The following SFXN2 variants were observed in gnomAD, a reference collection of about 807,000 sequenced individuals.
The protein encoded by SFXN2 is sideroflexin 2.
SFXN2 carries 37 observed loss-of-function variants against 41.9 expected under a neutral mutation model. The ratio of observed to expected loss-of-function variants is 0.88; its 90% CI spans 0.68 to 1.16. SFXN2 has a LOEUF of 1.16. SFXN2 is among the 50% of genes most tolerant of loss of function. The probability of loss-of-function intolerance (pLI) is 0.00; values close to 1 mark genes in which losing one functional copy is unlikely to be tolerated. For missense variants in SFXN2, 386 were observed against 425.2 expected (o/e 0.91, Z 0.81); for synonymous variants, 150 against 156.7 (o/e 0.96, Z 0.32).
At position 102,733,592 on chromosome 10, in the gene SFXN2, G is replaced by A. The variant is rs757614359; in HGVS notation, c.810G>A (p.Leu270=). ...TGCACGCCCCATTGCAGGTCATGCTGAGCGGGTGCTTGTAAGTATCATATT... is the reference window on the plus strand; with the variant it reads ...TGCACGCCCCATTGCAGGTCATGCTAAGCGGGTGCTTGTAAGTATCATATT... The part of the protein sequence containing the change: ...KVLHAPLQVM[L]SGCFLIFMVP... Residue 270 remains leucine, a synonymous_variant, in exon 10 of 12, where the codon CTG becomes CTA. Coordinates refer to ENST00000369893, the MANE Select transcript of SFXN2 (RefSeq NM_178858.6). 1.9e-6 allele frequency: 3 copies of A among 1,614,112 alleles called. No homozygotes were observed. The highest frequency in any genetic ancestry group is 2.2e-5 in the South Asian group (2 of 91,086).
At chr10:102,717,055 G>C (rs2064426528) in intron 1 of SFXN2, among the ~76,000 whole-genome samples, 1 of 151,720 alleles carries the variant, frequency 6.6e-6, no homozygotes, top group Non-Finnish European at 1.5e-5. Context: ...ACCTTTCTAG[G>C]CTTCAGTTTC....
rs1223725528 is a variant in SFXN2, at chr10:102,739,298, C to T, written c.*1536C>T. 1 of 152,132 alleles carries T rather than the reference C, an allele frequency of 6.6e-6. No individual in the cohort carries two copies. Among genetic ancestry groups the T allele is most frequent in the East Asian group, 1.9e-4 (1 of 5,198 alleles). The allele number at this position is 152,132 out of a possible 1,614,324, so 9.4% of individuals were successfully genotyped here. On this transcript the variant is annotated 3_prime_UTR_variant, in exon 12 of 12. Coordinates refer to ENST00000369893, the MANE Select transcript of SFXN2 (RefSeq NM_178858.6). ...CAACTACTATATAAGGGGAACTTGT[C>T]TGATGCCTGGAGGCTGTTGTTTATT...
Position 102,734,529 on chromosome 10 carries a change from G to T in SFXN2, c.821+926G>T, listed in dbSNP as rs1458079115. 6.6e-6 allele frequency among the ~76,000 whole-genome samples: 1 copy of T among 152,154 alleles called. No homozygotes were observed. The highest frequency in any genetic ancestry group is 2.4e-5 in the African/African-American group (1 of 41,420). On this transcript the variant is annotated intron_variant, in intron 10 of 11. Coordinates refer to ENST00000369893, the MANE Select transcript of SFXN2 (RefSeq NM_178858.6). This position sits in a 1 kb window ranked among gnomAD's most constrained non-coding sequence, Gnocchi z 4.1. ...GACAGAGTAAGAAACTTGCCCAAGGGTATATAGCTGGTAACTGCTGGAGCT... is the reference window on the plus strand; with the variant it reads ...GACAGAGTAAGAAACTTGCCCAAGGTTATATAGCTGGTAACTGCTGGAGCT...
At chr10:102,735,137 C>T (rs902816504) in intron 10 of SFXN2, among the ~76,000 whole-genome samples, 2 of 150,978 alleles carry the variant, frequency 1.3e-5, no homozygotes, top group African/African-American at 4.9e-5. Context: ...AATCCTCCCC[C>T]TCCAAGTTGC....
rs774216311 is a variant in SFXN2 at position 102,732,224 on chromosome 10, A to G, written c.721+6A>G. The G allele has an allele frequency of 1.2e-6, 2 of 1,613,334 alleles. No homozygotes were observed. Among genetic ancestry groups the G allele is most frequent in the Non-Finnish European group, 1.7e-6 (2 of 1,179,592 alleles). On this transcript the variant is annotated splice_donor_region_variant and intron_variant, in intron 8 of 11. Transcript: ENST00000369893. ...CATGTCAGCTCCTGGGATGAGTAAG[A>G]TGGGGAAGCCCTTCCATCCTGGGGA...
chr10:102,737,821 C>A lies in SFXN2; in HGVS notation c.*59C>A. 1 of 1,218,144 alleles carries A rather than the reference C, an allele frequency of 8.2e-7. No homozygotes were observed. The highest frequency in any genetic ancestry group is 1.3e-5 in the South Asian group (1 of 79,064). The allele number at this position is 1,218,144 out of a possible 1,614,324, so 75.5% of individuals were successfully genotyped here. A position where few individuals can be genotyped will look rare whatever the true frequency, so the allele number is the denominator to read the frequency against. ...ATATTCACCAGCTCCTCCTTAGCTA[C>A]GTGCACACTTGTGTCCTCCTTCCCC... On this transcript the variant is annotated 3_prime_UTR_variant, in exon 12 of 12. Coordinates refer to ENST00000369893, the MANE Select transcript of SFXN2 (RefSeq NM_178858.6).
intron 4 of SFXN2, 111 bp downstream of exon 4, chr10:102,728,640 A>G: frequency 2.3e-6 from 2 of 860,814 alleles, no homozygotes; most frequent in South Asian, 1.4e-5. Flanking sequence ...GCAGGTGACC[A>G]AGTCACCCTT....
At chr10:102,735,820 G>C (rs1370779744) in intron 10 of SFXN2, 42 bp from the exon 11 acceptor site, 1 of 1,608,254 alleles carries the variant, frequency 6.2e-7, no homozygotes, top group South Asian at 1.1e-5. Context: ...ACGGGCCTGT[G>C]GGGAGATGTC....
chr10:102,731,807 G>A (rs2064708521), intron 7 of SFXN2, 24 bp downstream of exon 7: 1 of 1,607,936 alleles, frequency 6.2e-7, no homozygotes, highest in African/African-American at 1.3e-5. Context: ...TCCCTTTGGG[G>A]TGGGAGGAGG....
Position 102,728,992 on chromosome 10 carries a change from TC to T in SFXN2, c.432-324del, listed in dbSNP as rs539864409. ...TGTGTAGTTAGGCCACTTAGAGCAG[TC>T]CCATCTGTGAAGACGACATTTCAAC... is the stretch of plus-strand genomic sequence containing the variant. On this transcript the variant is annotated intron_variant, in intron 4 of 11. Transcript: ENST00000369893. Among the ~76,000 whole-genome samples the T allele has an allele frequency of 3.1e-4, 47 of 151,942 alleles. No individual in the cohort carries two copies. The East Asian group carries it at 8.7e-3, about 28-fold the overall frequency.
chr10:102,716,302 T>C (rs2064411687), intron 1 of SFXN2: 1 of 152,016 alleles, frequency 6.6e-6, no homozygotes, highest in Non-Finnish European at 1.5e-5. Flanking sequence ...CCTTCTGGGG[T>C]CTTTGGCTAC....
chr10:102,719,447 T>C (rs985644913), intron 1 of SFXN2, among the ~76,000 whole-genome samples: 2 of 151,716 alleles, frequency 1.3e-5, no homozygotes, highest in African/African-American at 4.8e-5. Flanking sequence ...CAGCCTGGTC[T>C]CAAACCCCTG....
intron 1 of SFXN2, 154 bp from the exon 2 acceptor site, chr10:102,726,458 A>C (rs1359101630): frequency 1.4e-6 from 1 of 702,108 alleles, no homozygotes; most frequent in Non-Finnish European, 2.3e-6. Flanking sequence ...CCAGTTGCTC[A>C]ATCTGATGAC....
intron 1 of SFXN2, 130 bp from the exon 2 acceptor site, chr10:102,726,482 C>G (rs1185546679): frequency 1.1e-6 from 1 of 891,674 alleles, no homozygotes; most frequent in Non-Finnish European, 1.7e-6. Context: ...TCACTTGGGC[C>G]CTCCCAAGCT....
chr10:102,729,931 C>T, intron 6 of SFXN2, 123 bp downstream of exon 6: 3 of 1,037,100 alleles, frequency 2.9e-6, no homozygotes, highest in Non-Finnish European at 4.3e-6. Flanking sequence ...TGGGCTGAGC[C>T]TCTGAAGGGC....
chr10:102,717,407 C>T (rs755878196), intron 1 of SFXN2, among the ~76,000 whole-genome samples: 3 of 152,052 alleles, frequency 2.0e-5, no homozygotes, highest in Non-Finnish European at 2.9e-5. Context: ...GGATTACAGG[C>T]GTGAGCCACT....
rs923217807 is a variant in SFXN2, at chr10:102,739,060, G to A, written c.*1298G>A. 1 of 152,516 alleles carries A rather than the reference G, an allele frequency of 6.6e-6. No individual in the cohort carries two copies. Among genetic ancestry groups the A allele is most frequent in the African/African-American group, 2.4e-5 (1 of 41,446 alleles). 9.4% of individuals were successfully genotyped at this position (152,516 alleles called of 1,614,324 possible). The stretch of plus-strand genomic sequence containing the variant: ...CCTAGGTGATTTCTCAAGCTCCTTG[G>A]GGGACTGTTGTTTCTCATCTGGAAT... On this transcript the variant is annotated 3_prime_UTR_variant, in exon 12 of 12. Coordinates refer to ENST00000369893, the MANE Select transcript of SFXN2 (RefSeq NM_178858.6).
At chr10:102,732,790 C>G in intron 8 of SFXN2, 69 bp from the exon 9 acceptor site, 1 of 1,538,584 alleles carries the variant, frequency 6.5e-7, no homozygotes, top group Non-Finnish European at 9.0e-7. Context: ...GGTTCCTGGT[C>G]TGACTTCAGA....
rs1321797837 is a variant in SFXN2, at chr10:102,726,696, C to A, written c.60C>A (p.Phe20Leu). The part of the protein sequence containing the change: ...IDAPRWDQRT[F>L]LGRVKHFLNI... Reference sequence around the variant, plus strand: ...CCCCCCGTTGGGACCAGCGCACCTTCCTGGGGAGAGTGAAGCACTTCCTAA... The same window carrying A: ...CCCCCCGTTGGGACCAGCGCACCTTACTGGGGAGAGTGAAGCACTTCCTAA... Residue 20 changes from phenylalanine (F) to leucine (L), a missense_variant, in exon 2 of 12, where the codon TTC becomes TTA. Transcript: ENST00000369893. The A allele has an allele frequency of 1.2e-6, 2 of 1,614,110 alleles. No homozygotes were observed. Among genetic ancestry groups the A allele is most frequent in the South Asian group, 1.1e-5 (1 of 91,090 alleles).
Sources: allele counts gnomAD v4.1 joint callset (sites outside exome capture counted in the v4.1 genomes callset), GRCh38; gene constraint gnomAD v4.1.1; non-coding constraint Gnocchi (gnomAD v3.1); transcripts MANE v1.5; gene names NCBI Gene and HGNC (gene_info 2026-07-23, HGNC 2026-07-21).